MAPKAP1: variants seen among roughly 807,000 people sequenced by gnomAD.
The protein encoded by MAPKAP1 is target of rapamycin complex 2 subunit MAPKAP1.
In MAPKAP1, 20 loss-of-function variants were observed where a neutral mutation model predicts 65.7. The observed-to-expected ratio is 0.30, with a 90% CI of 0.21 to 0.44. The LOEUF (loss-of-function observed/expected upper bound fraction) is 0.44. MAPKAP1 is among the 20% of genes least tolerant of loss of function. The probability of loss-of-function intolerance (pLI) is 1.00; values close to 1 mark genes in which losing one functional copy is unlikely to be tolerated. For missense variants in MAPKAP1, 423 were observed against 648.0 expected, an observed-to-expected ratio of 0.65 and a Z score of 3.77; for synonymous variants, 222 against 244.3, an observed-to-expected ratio of 0.91 and a Z score of 0.85.
At chr9:125,674,359 G>A (rs947683637) in intron 1 of MAPKAP1, among the ~76,000 whole-genome samples, 4 of 152,126 alleles carry the variant, frequency 2.6e-5, no homozygotes, top group South Asian at 2.1e-4. Flanking sequence ...TAGTAAGTTC[G>A]TGGCACATAA....
chr9:125,535,724 G>GTTTA (rs1425460918), intron 7 of MAPKAP1, among the ~76,000 whole-genome samples: 1 of 152,166 alleles, frequency 6.6e-6, no homozygotes, highest in Non-Finnish European at 1.5e-5. Flanking sequence ...AAATCAGGAT[G>GTTTA]CAGTTTACAA....
At chr9:125,647,057 T>G (rs888371561) in intron 4 of MAPKAP1, among the ~76,000 whole-genome samples, 1 of 152,192 alleles carries the variant, frequency 6.6e-6, no homozygotes, top group Non-Finnish European at 1.5e-5. Context: ...TGATGAATCT[T>G]TATCTGACAC....
chr9:125,676,687 A>G (rs1834655692), intron 1 of MAPKAP1, among the ~76,000 whole-genome samples: 1 of 152,254 alleles, frequency 6.6e-6, no homozygotes, highest in South Asian at 2.1e-4. Flanking sequence ...GGAAATGGAC[A>G]GTGGTGACGG....
intron 8 of MAPKAP1, among the ~76,000 whole-genome samples, chr9:125,493,178 C>A (rs1368958403): frequency 6.6e-6 from 1 of 152,194 alleles, no homozygotes; most frequent in Non-Finnish European, 1.5e-5. Flanking sequence ...AAGTGACTGA[C>A]AATGAGAAGT....
chr9:125,540,493 T>C (rs539812605), intron 7 of MAPKAP1, among the ~76,000 whole-genome samples: 30 of 152,340 alleles, frequency 2.0e-4, no homozygotes, highest in African/African-American at 4.1e-4. Context: ...ACATGGCATG[T>C]GTATTTTGAT....
chr9:125,550,942 T>G (rs1387771192), intron 6 of MAPKAP1, among the ~76,000 whole-genome samples: 1 of 152,218 alleles, frequency 6.6e-6, no homozygotes, highest in African/African-American at 2.4e-5. Context: ...TATTCCTTAT[T>G]CTATTTTAGC....
chr9:125,651,317 T>C (rs879306820), intron 4 of MAPKAP1, among the ~76,000 whole-genome samples: 5 of 152,044 alleles, frequency 3.3e-5, no homozygotes, highest in Non-Finnish European at 5.9e-5. Flanking sequence ...TTTTAAAAAG[T>C]ATGTAGGTTG....
At chr9:125,561,046 T>G (rs1416348371) in intron 5 of MAPKAP1, among the ~76,000 whole-genome samples, 1 of 152,256 alleles carries the variant, frequency 6.6e-6, no homozygotes, top group Non-Finnish European at 1.5e-5. Context: ...CACAAGGCAG[T>G]AGAATTCTAA....
At chr9:125,673,954 CAAAACA>C (rs1834569355) in intron 1 of MAPKAP1, among the ~76,000 whole-genome samples, 1 of 21,784 alleles carries the variant, frequency 4.6e-5, no homozygotes, top group Non-Finnish European at 1.5e-3. Context: ...AAAAACAAAA[CAAAACA>C]AAACATACAA....
chr9:125,647,226 G>A lies in MAPKAP1; in HGVS notation c.498+10425C>T, dbSNP rs1163152434. On this transcript the variant is annotated intron_variant, in intron 4 of 11. Transcript: ENST00000265960. ...TTCTTACATGTATCTTTGTCTAGGT[G>A]TTAAACTTCAGTTTAACAGAAAGTA... 2.0e-5 allele frequency among the ~76,000 whole-genome samples: 3 copies of A among 152,184 alleles called. No homozygotes were observed. The East Asian group carries it at 5.8e-4, about 29-fold the overall frequency.
chr9:125,603,596 T>A (rs1832367205), intron 4 of MAPKAP1, among the ~76,000 whole-genome samples: 1 of 152,204 alleles, frequency 6.6e-6, no homozygotes, highest in African/African-American at 2.4e-5. Flanking sequence ...CTGGCAGTAT[T>A]TTCCTTGTGT....
chr9:125,464,668 A>G (rs1853615541), intron 10 of MAPKAP1, among the ~76,000 whole-genome samples: 1 of 152,184 alleles, frequency 6.6e-6, no homozygotes, highest in South Asian at 2.1e-4. Context: ...CCTAAGAGGG[A>G]GAAGTCGAGG....
intron 4 of MAPKAP1, among the ~76,000 whole-genome samples, chr9:125,617,882 G>A (rs968379084): frequency 5.3e-5 from 8 of 152,282 alleles, no homozygotes; most frequent in East Asian, 3.9e-4. Flanking sequence ...CTCCCAAAAC[G>A]GGTGATAGGT....
chr9:125,647,372 GA>G (rs200855542), intron 4 of MAPKAP1, among the ~76,000 whole-genome samples: 3,012 of 152,214 alleles, frequency 0.02, 101 homozygotes, highest in African/African-American at 0.069. Context: ...TTTCTATGTG[GA>G]GAGTACCATT....
chr9:125,629,996 G>A (rs1186304223), intron 4 of MAPKAP1, among the ~76,000 whole-genome samples: 1 of 152,106 alleles, frequency 6.6e-6, no homozygotes, highest in East Asian at 1.9e-4. Flanking sequence ...AAACTATGTG[G>A]GGAAGTAGGA....
At chr9:125,506,481 AACACC>A in intron 7 of MAPKAP1, 64 bp from the exon 8 acceptor site, 3 of 1,299,360 alleles carry the variant, frequency 2.3e-6, no homozygotes, top group Non-Finnish European at 3.3e-6. Flanking sequence ...ACATTTAAAA[AACACC>A]ACATACTGGT....
chr9:125,653,662 T>C (rs1833953294), intron 4 of MAPKAP1, among the ~76,000 whole-genome samples: 2 of 152,198 alleles, frequency 1.3e-5, no homozygotes, highest in Admixed American at 1.3e-4. Flanking sequence ...TTCATGAGGT[T>C]AAGTAGCTAG....
chr9:125,604,250 TA>T (rs967481843), intron 4 of MAPKAP1, among the ~76,000 whole-genome samples: 2 of 152,246 alleles, frequency 1.3e-5, no homozygotes, highest in African/African-American at 4.8e-5. Flanking sequence ...ACAATGTAAA[TA>T]AAACACTTTA....
At chr9:125,682,081 G>GA (rs34775695) in intron 1 of MAPKAP1, among the ~76,000 whole-genome samples, 46,843 of 151,238 alleles carry the variant, frequency 0.31, 8,045 homozygotes, top group Middle Eastern at 0.39. Context: ...GTTTTAACAG[G>GA]AAAAAAAAAT....
Sources: gnomAD v4.1 joint callset for allele counts (sites outside exome capture counted in the v4.1 genomes callset) on GRCh38, gnomAD v4.1.1 for gene constraint, MANE v1.5 for transcripts, NCBI Gene and HGNC (gene_info 2026-07-23, HGNC 2026-07-21) for gene names.